HP1BP3: variants seen among roughly 807,000 people sequenced by gnomAD.
HP1BP3 encodes heterochromatin protein 1-binding protein 3.
Under a neutral mutation model 62.5 loss-of-function variants are expected in HP1BP3, and 12 were observed. The ratio of observed to expected loss-of-function variants is 0.19; its 90% CI spans 0.12 to 0.31. The LOEUF (loss-of-function observed/expected upper bound fraction) is 0.31, where lower values mean the gene tolerates loss of function less well. Ranked by LOEUF, HP1BP3 falls within the 10% of genes least tolerant of loss-of-function variation. The pLI is 1.00. For missense variants in HP1BP3, 502 were observed against 651.8 expected (o/e 0.77, Z 2.50); for synonymous variants, 260 against 237.8 (o/e 1.09, Z -0.86).
intron 4 of HP1BP3, chr1:20,775,924 G>A (rs865777715): frequency 6.8e-7 from 1 of 1,477,746 alleles, no homozygotes; most frequent in Non-Finnish European, 9.0e-7. Flanking sequence ...CCATTGTTAA[G>A]CAATGCATGA....
chr1:20,779,737 C>T, intron 3 of HP1BP3, 75 bp downstream of exon 3: 3 of 733,422 alleles, frequency 4.1e-6, no homozygotes, highest in South Asian at 3.6e-5. Context: ...CAATTAAGTT[C>T]AAAGGAATTT....
At chr1:20,760,540 T>C (rs2056405759) in intron 8 of HP1BP3, among the ~76,000 whole-genome samples, 1 of 144,610 alleles carries the variant, frequency 6.9e-6, no homozygotes, top group African/African-American at 2.6e-5. Context: ...GACCCCAGCT[T>C]GGAAAAAAAA....
intron 12 of HP1BP3, 32 bp from the exon 13 acceptor site, chr1:20,745,123 T>C (rs368627808): frequency 1.3e-6 from 2 of 1,575,452 alleles, no homozygotes; most frequent in African/African-American, 1.4e-5. Context: ...GGCCGTCATT[T>C]AGTACTTAAG....
At chr1:20,758,562 G>A (rs936466352) in intron 8 of HP1BP3, among the ~76,000 whole-genome samples, 2 of 151,924 alleles carry the variant, frequency 1.3e-5, no homozygotes, top group African/African-American at 2.4e-5. Context: ...TAGCAAGGAT[G>A]GTCTTGATCT....
At chr1:20,776,513 T>C (rs762243838) in intron 4 of HP1BP3, 84 bp downstream of exon 4, 105 of 1,227,972 alleles carry the variant, frequency 8.6e-5, no homozygotes, top group Non-Finnish European at 1.1e-4. Flanking sequence ...CATAAACCAA[T>C]GTTATAACAC....
chr1:20,757,705 G>C (rs1445447985), intron 8 of HP1BP3, among the ~76,000 whole-genome samples: 1 of 152,086 alleles, frequency 6.6e-6, no homozygotes, highest in Non-Finnish European at 1.5e-5. Context: ...TTCTAACGCT[G>C]TATGACAGAC....
At chr1:20,749,964 G>C (rs1208543826) in intron 9 of HP1BP3, 82 bp from the exon 10 acceptor site, 1 of 1,532,794 alleles carries the variant, frequency 6.5e-7, no homozygotes, top group Non-Finnish European at 8.7e-7. Flanking sequence ...TGCACCAGGT[G>C]GGTCGGAGTT....
At chr1:20,747,788 G>A in intron 10 of HP1BP3, 133 bp from the exon 11 acceptor site, 1 of 610,734 alleles carries the variant, frequency 1.6e-6, no homozygotes. Flanking sequence ...TGAATCCTAT[G>A]TGTTCAAAGG....
At chr1:20,770,062 T>C (rs1259212392) in intron 6 of HP1BP3, among the ~76,000 whole-genome samples, 1 of 152,182 alleles carries the variant, frequency 6.6e-6, no homozygotes, top group Non-Finnish European at 1.5e-5. Context: ...ATAAAGTTTA[T>C]TCTAGCTTTA....
Position 20,757,156 on chromosome 1 carries a change from G to A in HP1BP3, c.981+10C>T. On this transcript the variant is annotated intron_variant, in intron 9 of 12. Coordinates refer to ENST00000438032, the MANE Select transcript of HP1BP3 (RefSeq NM_001372052.1). ...AGCACTTCTCCACAACCAGGCCTCT[G>A]ATCTCTAACCTGGAATGTCCCCGAA... The A allele has an allele frequency of 6.3e-7, 1 of 1,588,096 alleles. No individual in the cohort carries two copies. Among genetic ancestry groups the A allele is most frequent in the Non-Finnish European group, 8.6e-7 (1 of 1,159,722 alleles).
In HP1BP3 at chr1:20,743,038, C is replaced by T. The variant is rs929152130; in HGVS notation, c.*1759G>A. The T allele has an allele frequency of 2.0e-5, 3 of 152,292 alleles. No homozygotes were observed. Among genetic ancestry groups the T allele is most frequent in the African/African-American group, 7.2e-5 (3 of 41,396 alleles). The allele number at this position is 152,292 out of a possible 1,614,324, so 9.4% of individuals were successfully genotyped here. A position where few individuals can be genotyped will look rare whatever the true frequency, so the allele number is the denominator to read the frequency against. ...CAGAAATTTGTATTTCTAGCTAGTA[C>T]TATTTAACACAACTTCACAATACTA... On this transcript the variant is annotated 3_prime_UTR_variant, in exon 13 of 13. Transcript: ENST00000438032.
chr1:20,772,518 T>TAAGAAGTCTTGAAGGAGTAAAGG (rs1334305507), intron 5 of HP1BP3, among the ~76,000 whole-genome samples: 5 of 152,168 alleles, frequency 3.3e-5, no homozygotes, highest in Non-Finnish European at 2.9e-5. Context: ...GGTGAGAGCA[T>TAAGAAGTCTTGAAGGAGTAAAGG]AAGAAGTCTT....
intron 3 of HP1BP3, among the ~76,000 whole-genome samples, chr1:20,777,276 C>CA (rs1176535927): frequency 3.8e-4 from 52 of 138,076 alleles, no homozygotes; most frequent in African/African-American, 1.0e-3. Flanking sequence ...CAGAGAACTC[C>CA]AAAAAAAAAT....
intron 8 of HP1BP3, among the ~76,000 whole-genome samples, chr1:20,759,746 G>A (rs1269444348): frequency 6.6e-6 from 1 of 152,164 alleles, no homozygotes; most frequent in Non-Finnish European, 1.5e-5. Context: ...TGGCAAAGTG[G>A]CTTATGGGGA....
chr1:20,781,939 G>A (rs1388830684), intron 1 of HP1BP3, among the ~76,000 whole-genome samples: 2 of 145,880 alleles, frequency 1.4e-5, no homozygotes, highest in African/African-American at 2.4e-5. Context: ...TTTTCTTAAT[G>A]ATAAAAAGCC....
At position 20,776,542 on chromosome 1, in the gene HP1BP3, A is replaced by G. The variant is rs144910428; in HGVS notation, c.350+55T>C. The stretch of plus-strand genomic sequence containing the variant: ...ATAACACTTTAAAACAATCTAATCT[A>G]AAGTCCTTTTACACATTCTTCAAAT... On this transcript the variant is annotated intron_variant, in intron 4 of 12. Transcript: ENST00000438032. The G allele has an allele frequency of 3.9e-4, 566 of 1,470,026 alleles. 1 individual carries two copies. The highest frequency in any genetic ancestry group is 2.6e-3 in the Middle Eastern group (13 of 4,932). 91.1% of individuals were successfully genotyped at this position (1,470,026 alleles called of 1,614,324 possible). A position where few individuals can be genotyped will look rare whatever the true frequency, so the allele number is the denominator to read the frequency against.
intron 7 of HP1BP3, among the ~76,000 whole-genome samples, chr1:20,767,213 G>A (rs1231970927): frequency 1.3e-5 from 2 of 152,166 alleles, no homozygotes; most frequent in East Asian, 3.9e-4. Context: ...CTACTCAGGA[G>A]GCTGAGGCAG....
chr1:20,760,799 G>A (rs1311106280), intron 8 of HP1BP3, among the ~76,000 whole-genome samples: 1 of 151,398 alleles, frequency 6.6e-6, no homozygotes, highest in Non-Finnish European at 1.5e-5. Context: ...TCATGCCACT[G>A]CACTCCAGCC....
At chr1:20,746,828 A>C (rs947750767) in intron 11 of HP1BP3, among the ~76,000 whole-genome samples, 2 of 152,116 alleles carry the variant, frequency 1.3e-5, no homozygotes, top group African/African-American at 4.8e-5. Context: ...CAGCCTAGAT[A>C]ATATGGTAAG....
Sources: allele counts gnomAD v4.1 joint callset (sites outside exome capture counted in the v4.1 genomes callset), GRCh38; gene constraint gnomAD v4.1.1; transcripts MANE v1.5; gene names NCBI Gene and HGNC (gene_info 2026-07-23, HGNC 2026-07-21).